Variants in SPAST observed in about 807,000 individuals in gnomAD.
SPAST encodes the protein spastic paraplegia 4 (autosomal dominant; spastin).
A neutral mutation model predicts 76.6 loss-of-function variants in SPAST; 30 were observed. The observed-to-expected ratio is 0.39, with a 90% CI of 0.29 to 0.53. The LOEUF is 0.53. SPAST is among the 20% of genes least tolerant of loss of function. SPAST has a pLI of 0.68. For missense variants in SPAST, 717 were observed against 770.5 expected (o/e 0.93, Z 0.82); for synonymous variants, 305 against 281.0 (o/e 1.09, Z -0.86).
intron 9 of SPAST, among the ~76,000 whole-genome samples, chr2:32,135,923 C>G (rs1337522612): frequency 6.6e-6 from 1 of 151,748 alleles, no homozygotes; most frequent in Non-Finnish European, 1.5e-5. Flanking sequence ...ACTAAAAATA[C>G]AAAAATTAGC....
intron 15 of SPAST, among the ~76,000 whole-genome samples, chr2:32,145,655 A>AT (rs11388001): frequency 0.37 from 55,895 of 152,068 alleles, 10,645 homozygotes; most frequent in East Asian, 0.64. Flanking sequence ...TTTTTTAATT[A>AT]TATCTTTTGA....
chr2:32,147,253 A>C lies in SPAST; in HGVS notation c.1723A>C (p.Ser575Arg). Reference protein sequence around the residue: ...KPEQVKNMSASEMRNIRLSDF... With the variant: ...KPEQVKNMSAREMRNIRLSDF... ...AGAACAGGTGAAGAATATGTCTGCC[A>C]GTGAGGTATAGTATTTTACAATGAT... Residue 575 changes from serine to arginine, a missense_variant, in exon 16 of 17, where the codon AGT (serine) becomes CGT (arginine). Physicochemically the swap from Ser to Arg is moderately radical, Grantham distance 110 (BLOSUM62 -1). This residue lies in a region of SPAST where 96 missense variants were observed against 127.6 expected (regional missense o/e 0.75). Transcript: ENST00000315285. The C allele has an allele frequency of 6.3e-7, 1 of 1,597,074 alleles. No individual in the cohort carries two copies. Among genetic ancestry groups the C allele is most frequent in the Non-Finnish European group, 8.6e-7 (1 of 1,165,388 alleles).
At chr2:32,066,995 A>AAC (rs1676545468) in intron 1 of SPAST, among the ~76,000 whole-genome samples, 2 of 47,008 alleles carry the variant, frequency 4.3e-5, no homozygotes, top group African/African-American at 1.4e-4. Context: ...AAAAAAAACC[A>AAC]AAAAAAAAAA....
chr2:32,077,066 G>A (rs972189200), intron 1 of SPAST, among the ~76,000 whole-genome samples: 1 of 152,014 alleles, frequency 6.6e-6, no homozygotes, highest in Admixed American at 6.6e-5. Flanking sequence ...AGTAGAGATG[G>A]GGTTTCACCA....
chr2:32,125,592 G>C (rs1265017022), intron 7 of SPAST, among the ~76,000 whole-genome samples: 1 of 151,968 alleles, frequency 6.6e-6, no homozygotes, highest in Non-Finnish European at 1.5e-5. Flanking sequence ...CACCTTCACT[G>C]TTATTAAAGT....
chr2:32,086,457 C>T (rs985093157), intron 1 of SPAST, among the ~76,000 whole-genome samples: 1 of 135,730 alleles, frequency 7.4e-6, no homozygotes, highest in Non-Finnish European at 1.6e-5. Context: ...CAGCAAGACT[C>T]TGTTTAAAAA....
intron 4 of SPAST, among the ~76,000 whole-genome samples, chr2:32,110,103 TG>T (rs1470822131): frequency 2.5e-5 from 3 of 119,944 alleles, no homozygotes; most frequent in Admixed American, 8.5e-5. Context: ...TAGTTTTTTT[TG>T]TTTTTTTTTT....
chr2:32,081,490 G>C (rs1051552292), intron 1 of SPAST, among the ~76,000 whole-genome samples: 6 of 152,048 alleles, frequency 3.9e-5, no homozygotes, highest in African/African-American at 1.4e-4. Context: ...TTTTTTGTCT[G>C]TTTAGTTGCA....
chr2:32,126,743 C>T (rs1206303995), intron 7 of SPAST: 9 of 523,726 alleles, frequency 1.7e-5, no homozygotes, highest in South Asian at 4.7e-5. Flanking sequence ...TGTCTTTGCC[C>T]CCTAAAGTCT....
At chr2:32,139,052 G>T (rs1044156686) in intron 12 of SPAST, among the ~76,000 whole-genome samples, 10 of 152,012 alleles carry the variant, frequency 6.6e-5, no homozygotes, top group African/African-American at 2.4e-4. Flanking sequence ...TATGCTGTTT[G>T]GGCTGCTGTG....
At chr2:32,124,943 T>C (rs1679142711) in intron 7 of SPAST, among the ~76,000 whole-genome samples, 1 of 152,222 alleles carries the variant, frequency 6.6e-6, no homozygotes, top group Non-Finnish European at 1.5e-5. Flanking sequence ...CTGTTCTTTA[T>C]GATAATCCAA....
At chr2:32,098,114 T>G (rs148335456) in intron 3 of SPAST, among the ~76,000 whole-genome samples, 1,565 of 152,290 alleles carry the variant, frequency 0.01, 18 homozygotes, top group Middle Eastern at 0.054. Flanking sequence ...TACAGTTTTA[T>G]TATAAGTTGC....
chr2:32,142,435 G>A (rs1283702390), intron 13 of SPAST, among the ~76,000 whole-genome samples: 1 of 152,082 alleles, frequency 6.6e-6, no homozygotes, highest in African/African-American at 2.4e-5. Context: ...ATTTTTTTGA[G>A]ATGGAGTCTT....
rs370621312 is a variant in SPAST at position 32,118,140 on chromosome 2, A to G, written c.1098+1928A>G. 2.0e-5 allele frequency among the ~76,000 whole-genome samples: 3 copies of G among 152,350 alleles called. No individual in the cohort carries two copies. In the East Asian group the frequency reaches 5.8e-4, roughly 29 times the overall value. On this transcript the variant is annotated intron_variant, in intron 7 of 16. Transcript: ENST00000315285. ...TTAAAATCTTACGGACCTACCTGCAACATGTAGTGGAAATAAGTTGTGTGG... is the reference window on the plus strand; with the variant it reads ...TTAAAATCTTACGGACCTACCTGCAGCATGTAGTGGAAATAAGTTGTGTGG...
intron 1 of SPAST, among the ~76,000 whole-genome samples, chr2:32,081,781 C>CAAAAAAAAAAAAAAAAAAAAAAAAAAAAA (rs34078147): frequency 2.3e-5 from 1 of 44,382 alleles, no homozygotes; most frequent in Non-Finnish European, 4.0e-5. Context: ...GAGACACTGT[C>CAAAAAAAAAAAAAAAAAAAAAAAAAAAAA]AAAAAAAAAA....
In SPAST at chr2:32,154,535, A is replaced by G. The variant is rs1303079726; in HGVS notation, c.*39A>G. The G allele has an allele frequency of 6.2e-7, 1 of 1,605,540 alleles. No individual in the cohort carries two copies. Among genetic ancestry groups the G allele is most frequent in the African/African-American group, 1.3e-5 (1 of 74,886 alleles). On this transcript the variant is annotated 3_prime_UTR_variant, in exon 17 of 17. Transcript: ENST00000315285. The stretch of plus-strand genomic sequence containing the variant: ...TAAACCTGCAGAACATTTTACTTAA[A>G]AGAGGAAACACAAGATCTTCAATGA...
intron 13 of SPAST, among the ~76,000 whole-genome samples, chr2:32,142,410 A>AT (rs1270139828): frequency 1.3e-5 from 2 of 152,022 alleles, no homozygotes; most frequent in East Asian, 3.9e-4. Flanking sequence ...ACGCAAATTT[A>AT]TTTTTTATTT....
chr2:32,087,438 C>A, intron 1 of SPAST, 54 bp from the exon 2 acceptor site: 1 of 1,084,348 alleles, frequency 9.2e-7, no homozygotes, highest in Non-Finnish European at 1.4e-6. Flanking sequence ...GCATGATTTG[C>A]AATATTTAGT....
chr2:32,088,721 TTTAA>T (rs1558623677), intron 2 of SPAST, among the ~76,000 whole-genome samples: 2 of 152,290 alleles, frequency 1.3e-5, no homozygotes, highest in East Asian at 3.9e-4. Context: ...TAAAAAACAA[TTTAA>T]TTAAAGTATG....
Sources: allele counts gnomAD v4.1 joint callset (sites outside exome capture counted in the v4.1 genomes callset), GRCh38; gene constraint gnomAD v4.1.1; regional missense constraint gnomAD v4.1.1; transcripts MANE v1.5; gene names NCBI Gene and HGNC (gene_info 2026-07-23, HGNC 2026-07-21).